MAPK4: variants seen among roughly 807,000 people sequenced by gnomAD.
MAPK4 encodes mitogen-activated protein kinase 4.
A neutral mutation model predicts 47.7 loss-of-function variants in MAPK4; 22 were observed. That is an observed-to-expected ratio of 0.46 (90% CI 0.33 to 0.66). The LOEUF is 0.66. Among genes scored for constraint, MAPK4 ranks in the 30% least tolerant of loss-of-function variants. The pLI, the probability that MAPK4 is intolerant of heterozygous loss-of-function variation, is 0.02. For synonymous variants in MAPK4, 390 were observed against 365.7 expected, an observed-to-expected ratio of 1.07 and a Z score of -0.76; for missense variants, 736 against 831.7, an observed-to-expected ratio of 0.88 and a Z score of 1.42.
intron 1 of MAPK4, among the ~76,000 whole-genome samples, chr18:50,642,670 A>G (rs2042951189): frequency 6.6e-6 from 1 of 152,212 alleles, no homozygotes; most frequent in East Asian, 1.9e-4. Context: ...GTGGAACCTG[A>G]TAGAATAGTT....
chr18:50,617,889 G>T (rs890000883), intron 1 of MAPK4, among the ~76,000 whole-genome samples: 4 of 152,152 alleles, frequency 2.6e-5, no homozygotes, highest in Non-Finnish European at 2.9e-5. Flanking sequence ...TTTATCTAAA[G>T]CCAGAATCTT....
intron 1 of MAPK4, among the ~76,000 whole-genome samples, chr18:50,573,108 T>C (rs1408964907): frequency 6.6e-6 from 1 of 152,042 alleles, no homozygotes; most frequent in Non-Finnish European, 1.5e-5. Context: ...TGATTGAGGA[T>C]TGACGTGAGG....
chr18:50,702,766 A>C (rs1909859563), intron 2 of MAPK4, among the ~76,000 whole-genome samples: 1 of 152,102 alleles, frequency 6.6e-6, no homozygotes, highest in Non-Finnish European at 1.5e-5. Context: ...TTTGCAGTTG[A>C]ACCAGCATAC....
At chr18:50,586,231 G>A (rs2042386739) in intron 1 of MAPK4, among the ~76,000 whole-genome samples, 1 of 152,082 alleles carries the variant, frequency 6.6e-6, no homozygotes, top group Non-Finnish European at 1.5e-5. Context: ...CTTTCTAATT[G>A]ACATTAGTTT....
intron 2 of MAPK4, among the ~76,000 whole-genome samples, chr18:50,703,013 C>T (rs1909871830): frequency 6.6e-6 from 1 of 152,204 alleles, no homozygotes; most frequent in Non-Finnish European, 1.5e-5. Context: ...AGAGTTTCTG[C>T]AGAAAAGATG....
chr18:50,714,408 A>C (rs981446358), intron 2 of MAPK4, among the ~76,000 whole-genome samples: 3 of 152,230 alleles, frequency 2.0e-5, no homozygotes, highest in African/African-American at 7.2e-5. Context: ...TCACTGAGCC[A>C]TGGGCAAAAT....
At chr18:50,682,742 C>T (rs1253446111) in intron 2 of MAPK4, among the ~76,000 whole-genome samples, 1 of 152,090 alleles carries the variant, frequency 6.6e-6, no homozygotes, top group Non-Finnish European at 1.5e-5. Flanking sequence ...ATGTATTTAC[C>T]CAAGAGAAAT....
chr18:50,683,301 T>A (rs1375797627), intron 2 of MAPK4, among the ~76,000 whole-genome samples: 1 of 152,028 alleles, frequency 6.6e-6, no homozygotes, highest in East Asian at 1.9e-4. Flanking sequence ...TATATTTTTT[T>A]AGTAGAGACG....
intron 1 of MAPK4, among the ~76,000 whole-genome samples, chr18:50,658,681 C>T (rs186882150): frequency 3.3e-4 from 51 of 152,322 alleles, no homozygotes; most frequent in Admixed American, 1.8e-3. Context: ...CTAGAAGGGA[C>T]TTTAGGCCAG....
chr18:50,711,509 CA>C (rs1253930966), intron 2 of MAPK4, among the ~76,000 whole-genome samples: 2 of 152,256 alleles, frequency 1.3e-5, no homozygotes, highest in Non-Finnish European at 2.9e-5. Flanking sequence ...AGTGATGTTA[CA>C]AAGCCTCACA....
At chr18:50,699,666 G>A (rs1471804340) in intron 2 of MAPK4, among the ~76,000 whole-genome samples, 1 of 152,126 alleles carries the variant, frequency 6.6e-6, no homozygotes, top group Non-Finnish European at 1.5e-5. Flanking sequence ...CCCACACAAG[G>A]GTGCTCTCAC....
At chr18:50,694,948 A>G (rs1909420785) in intron 2 of MAPK4, among the ~76,000 whole-genome samples, 1 of 152,228 alleles carries the variant, frequency 6.6e-6, no homozygotes, top group Non-Finnish European at 1.5e-5. Flanking sequence ...CACTCTAAGC[A>G]TTAAATAACC....
chr18:50,600,460 G>C (rs1320020089), intron 1 of MAPK4, among the ~76,000 whole-genome samples: 1 of 152,136 alleles, frequency 6.6e-6, no homozygotes. Context: ...CTTGCTGGGG[G>C]CTTCTGAGAA....
At chr18:50,701,216 C>T (rs921884182) in intron 2 of MAPK4, among the ~76,000 whole-genome samples, 1 of 131,466 alleles carries the variant, frequency 7.6e-6, no homozygotes. Context: ...TCTTCTTTTG[C>T]CCAGCTTACT....
intron 1 of MAPK4, among the ~76,000 whole-genome samples, chr18:50,561,146 C>G (rs2042149988): frequency 6.6e-6 from 1 of 152,210 alleles, no homozygotes; most frequent in East Asian, 1.9e-4. Context: ...GGGTCAGCAG[C>G]GTCCCGACAG....
chr18:50,668,824 C>T lies in MAPK4; in HGVS notation c.546+4320C>T, dbSNP rs188674533. ...AGGGAAGGAGACTCGCTCAAGGTCA[C>T]ACAATGAGTGGCTGAGCCTGGGTTT... On this transcript the variant is annotated intron_variant, in intron 2 of 5. Coordinates refer to ENST00000400384, the MANE Select transcript of MAPK4 (RefSeq NM_002747.4). 3.8e-3 allele frequency among the ~76,000 whole-genome samples: 574 copies of T among 152,324 alleles called. 2 individuals are homozygous for T. The highest frequency in any genetic ancestry group is 0.012 in the African/African-American group (493 of 41,574).
intron 1 of MAPK4, among the ~76,000 whole-genome samples, chr18:50,590,048 G>T (rs1272152788): frequency 1.3e-5 from 2 of 152,174 alleles, no homozygotes; most frequent in Non-Finnish European, 2.9e-5. Flanking sequence ...TGAAGTCCAG[G>T]ATGTTAAGAA....
At chr18:50,704,732 T>C in intron 2 of MAPK4, 1 of 398,666 alleles carries the variant, frequency 2.5e-6, no homozygotes, top group Non-Finnish European at 4.4e-6. Context: ...GAGGACTCTG[T>C]GATGTTGGAC....
At chr18:50,705,391 T>C (rs769725789) in intron 2 of MAPK4, 3 of 152,166 alleles carry the variant, frequency 2.0e-5, no homozygotes, top group Non-Finnish European at 4.4e-5. Context: ...GATGAAGGGG[T>C]CCAGGAGGCT....
Sources: allele counts gnomAD v4.1 joint callset (sites outside exome capture counted in the v4.1 genomes callset), GRCh38; gene constraint gnomAD v4.1.1; transcripts MANE v1.5; gene names NCBI Gene and HGNC (gene_info 2026-07-23, HGNC 2026-07-21).